The following POGK variants were observed in gnomAD, a reference collection of about 807,000 sequenced individuals.
POGK encodes the protein pogo transposable element with KRAB domain.
POGK carries 16 observed loss-of-function variants against 54.4 expected under a neutral mutation model. The observed-to-expected ratio is 0.29, with a 90% confidence interval of 0.20 to 0.45. POGK has a LOEUF of 0.45. Among genes scored for constraint, POGK ranks in the 20% least tolerant of loss-of-function variants. The pLI is 1.00. For missense variants in POGK, 515 were observed against 795.6 expected (o/e 0.65, Z 4.24); for synonymous variants, 271 against 302.2 (o/e 0.90, Z 1.07).
chr1:166,847,570 G>T lies in POGK; in HGVS notation c.336G>T (p.Gln112His). 2 of 1,613,802 alleles carry T rather than the reference G, an allele frequency of 1.2e-6. No homozygotes were observed. The highest frequency in any genetic ancestry group is 8.5e-7 in the Non-Finnish European group (1 of 1,179,752). Residue 112 changes from glutamine to histidine, a missense_variant, in exon 4 of 6, where the codon CAG becomes CAT. Physicochemically the swap from Gln to His is conservative, Grantham distance 24 (BLOSUM62 0). This residue lies in a region of POGK where 461 missense variants were observed against 743.5 expected (regional missense o/e 0.62). Transcript: ENST00000367876. ...AGTCTCAGAATTCTGACGAGTGGCA[G>T]CTCCAAGGAGGCACCTCTGCAGGTA... ...EEESQNSDEWQLQGGTSAENE... is the reference protein window; with the variant it reads ...EEESQNSDEWHLQGGTSAENE...
intron 1 of POGK, 22 bp from the exon 2 acceptor site, chr1:166,840,933 T>C (rs1267122709): frequency 6.2e-7 from 1 of 1,613,358 alleles, no homozygotes; most frequent in African/African-American, 1.3e-5. Context: ...CTGGTTTTTC[T>C]GAACCTGAAT....
In POGK at chr1:166,854,136, T is replaced by C. The variant is rs1658188629; in HGVS notation, c.*1566T>C. The C allele has an allele frequency of 6.6e-6, 1 of 152,624 alleles. No individual in the cohort carries two copies. Among genetic ancestry groups the C allele is most frequent in the Non-Finnish European group, 1.5e-5 (1 of 68,042 alleles). The allele number at this position is 152,624 out of a possible 1,614,324, so 9.5% of individuals were successfully genotyped here. A position where few individuals can be genotyped will look rare whatever the true frequency, so the allele number is the denominator to read the frequency against. On this transcript the variant is annotated 3_prime_UTR_variant, in exon 6 of 6. Transcript: ENST00000367876. ...AAGACCTAATTTTGGGTTCCTTCCT[T>C]GGAGCCATAGTTACCCTGCCAAGAA...
chr1:166,853,316 T>G lies in POGK; in HGVS notation c.*746T>G. On this transcript the variant is annotated 3_prime_UTR_variant, in exon 6 of 6. Transcript: ENST00000367876. ...TTTTTAGGGTCTCATTTAATGGCCC[T>G]GTTTTTTTCATTATTATATTTAATG... 6.5e-6 allele frequency: 1 copy of G among 152,796 alleles called. No individual in the cohort carries two copies. The allele number at this position is 152,796 out of a possible 1,614,324, so 9.5% of individuals were successfully genotyped here.
At chr1:166,845,707 T>G (rs1456309377) in intron 2 of POGK, among the ~76,000 whole-genome samples, 1 of 152,234 alleles carries the variant, frequency 6.6e-6, no homozygotes, top group African/African-American at 2.4e-5. Context: ...ATCCAGTGCC[T>G]TCTTATCACT....
At position 166,855,112 on chromosome 1, in the gene POGK, TAACA is replaced by T. The variant is rs981797221; in HGVS notation, c.*2546_*2549del. 6.6e-6 allele frequency: 1 copy of T among 151,354 alleles called. No homozygotes were observed. 9.4% of individuals were successfully genotyped at this position (151,354 alleles called of 1,614,324 possible). On this transcript the variant is annotated 3_prime_UTR_variant, in exon 6 of 6. Coordinates refer to ENST00000367876, the MANE Select transcript of POGK (RefSeq NM_017542.5). ...AAGTGGGTGATAAGAACGTGCTAAA[TAACA>T]AACCTGCACACTTGTACCTCTGAAC...
intron 2 of POGK, among the ~76,000 whole-genome samples, chr1:166,846,410 GC>G (rs1363891533): frequency 6.6e-6 from 1 of 152,200 alleles, no homozygotes; most frequent in African/African-American, 2.4e-5. Context: ...GCTGTGGTGG[GC>G]ACAGAAGGAC....
chr1:166,846,178 G>T (rs373037111), intron 2 of POGK, among the ~76,000 whole-genome samples: 1 of 152,146 alleles, frequency 6.6e-6, no homozygotes, highest in Non-Finnish European at 1.5e-5. Context: ...CGGGGCCGAG[G>T]GTCTTTTTCT....
intron 2 of POGK, 76 bp from the exon 3 acceptor site, chr1:166,846,536 G>C: frequency 6.3e-7 from 1 of 1,582,550 alleles, no homozygotes; most frequent in Middle Eastern, 1.7e-4. Flanking sequence ...TGGGCTGTCT[G>C]TAAGGTCCTG....
At chr1:166,850,463 A>T in intron 5 of POGK, 40 bp downstream of exon 5, 2 of 1,533,672 alleles carry the variant, frequency 1.3e-6, no homozygotes, top group Non-Finnish European at 1.7e-6. Context: ...CTTTGCTGAC[A>T]TGTCTGTGTT....
chr1:166,846,378 A>G (rs1657849109), intron 2 of POGK, among the ~76,000 whole-genome samples: 1 of 152,142 alleles, frequency 6.6e-6, no homozygotes, highest in African/African-American at 2.4e-5. Flanking sequence ...TGCTTACCTT[A>G]TCTGAACTGA....
At chr1:166,843,824 T>C (rs979654825) in intron 2 of POGK, among the ~76,000 whole-genome samples, 6 of 152,318 alleles carry the variant, frequency 3.9e-5, no homozygotes, top group Non-Finnish European at 8.8e-5. Context: ...AGAACACTTA[T>C]CCAGTGAGCC....
Position 166,846,595 on chromosome 1 carries a change from G to A in POGK, c.133-17G>A. On this transcript the variant is annotated splice_polypyrimidine_tract_variant and intron_variant, in intron 2 of 5. Coordinates refer to ENST00000367876, the MANE Select transcript of POGK (RefSeq NM_017542.5). ...TATGCCTGTTTGTCATTGTGAAAGG[G>A]CTGTTCACTCTTCCAGGTACCGGCC... 3 of 1,613,996 alleles carry A rather than the reference G, an allele frequency of 1.9e-6. No individual in the cohort carries two copies. Among genetic ancestry groups the A allele is most frequent in the Non-Finnish European group, 2.5e-6 (3 of 1,179,934 alleles).
rs202109752 is a variant in POGK, at chr1:166,849,290, G to A, written c.711G>A (p.Val237=). 3.1e-6 allele frequency: 5 copies of A among 1,614,106 alleles called. No homozygotes were observed. The highest frequency in any genetic ancestry group is 4.2e-6 in the Non-Finnish European group (5 of 1,180,052). ...AAAACGTTCGAGACTGGCGCAAAGT[G>A]AAGCCACAGCTTCAAAACGCCCACG... ...LEKNVRDWRK[V]KPQLQNAHAM... is the part of the protein sequence containing the mutation. Residue 237 remains valine (V), a synonymous_variant, in exon 5 of 6, where the codon GTG becomes GTA. Transcript: ENST00000367876.
intron 2 of POGK, among the ~76,000 whole-genome samples, chr1:166,845,549 C>T (rs577407390): frequency 6.6e-6 from 1 of 152,064 alleles, no homozygotes; most frequent in African/African-American, 2.4e-5. Context: ...GTTGGCCTGA[C>T]CCCTGAAGTG....
intron 2 of POGK, among the ~76,000 whole-genome samples, chr1:166,843,897 A>AG (rs1657716356): frequency 6.6e-6 from 1 of 152,196 alleles, no homozygotes; most frequent in African/African-American, 2.4e-5. Flanking sequence ...AAGGCCAAGG[A>AG]GGGGTGTCTG....
rs541286145 is a variant in POGK at position 166,841,994 on chromosome 1, A to G, written c.132+906A>G. Among the ~76,000 whole-genome samples the G allele has an allele frequency of 4.7e-4, 72 of 151,590 alleles. 1 individual carries two copies. The highest frequency in any genetic ancestry group is 1.6e-3 in the African/African-American group (66 of 41,266). ...ATGCATTTTACCATATGTATGCTAT[A>G]CCTTAATTTAAAAAAAAAAAAAACA... On this transcript the variant is annotated intron_variant, in intron 2 of 5. Coordinates refer to ENST00000367876, the MANE Select transcript of POGK (RefSeq NM_017542.5).
chr1:166,845,380 C>T (rs1364838365), intron 2 of POGK, among the ~76,000 whole-genome samples: 2 of 147,196 alleles, frequency 1.4e-5, no homozygotes, highest in East Asian at 2.1e-4. Flanking sequence ...AAAAAATAGG[C>T]GTATCTACTC....
rs774336938 is a variant in POGK at position 166,855,283 on chromosome 1, C to CT, written c.*2714dup. 3.3e-5 allele frequency: 5 copies of CT among 152,184 alleles called. No individual in the cohort carries two copies. The highest frequency in any genetic ancestry group is 3.9e-4 in the East Asian group (2 of 5,174). 9.4% of individuals were successfully genotyped at this position (152,184 alleles called of 1,614,324 possible). A position where few individuals can be genotyped will look rare whatever the true frequency, so the allele number is the denominator to read the frequency against. On this transcript the variant is annotated 3_prime_UTR_variant, in exon 6 of 6. Transcript: ENST00000367876. Reference sequence around the variant, plus strand: ...CCTGCAGGAAAAAATAAGTTTTATTCTAAGTCTGAAATTATATGGTTTCCA... The same window carrying CT: ...CCTGCAGGAAAAAATAAGTTTTATTCTTAAGTCTGAAATTATATGGTTTCCA...
In POGK at chr1:166,849,584, G is replaced by C; in HGVS notation, c.1005G>C (p.Leu335=). 6.2e-7 allele frequency: 1 copy of C among 1,614,276 alleles called. No homozygotes were observed. The highest frequency in any genetic ancestry group is 8.5e-7 in the Non-Finnish European group (1 of 1,180,046). The change falls in exon 5 of 6, where the codon CTG becomes CTC. Residue 335 remains leucine, a synonymous_variant. Coordinates refer to ENST00000367876, the MANE Select transcript of POGK (RefSeq NM_017542.5). ...VPVPQHLPED[L]TEKLVTYQRS... is the part of the protein sequence containing the mutation. ...TGCCCCAGCACCTGCCGGAAGACCT[G>C]ACTGAGAAACTCGTCACTTACCAGC...
Sources: gnomAD v4.1 joint callset for allele counts (sites outside exome capture counted in the v4.1 genomes callset) on GRCh38, gnomAD v4.1.1 for gene constraint, gnomAD v4.1.1 regional missense constraint, MANE v1.5 for transcripts, NCBI Gene and HGNC (gene_info 2026-07-23, HGNC 2026-07-21) for gene names.